The following CSMD1 variants were observed in gnomAD, a reference collection of about 807,000 sequenced individuals.
The protein encoded by CSMD1 is CUB and sushi domain-containing protein 1.
CSMD1 carries 213 observed loss-of-function variants against 417.5 expected under a neutral mutation model. The observed-to-expected ratio is 0.51, with a 90% CI of 0.46 to 0.57. The LOEUF is 0.57. Ranked by LOEUF, CSMD1 falls within the 20% of genes least tolerant of loss-of-function variation. CSMD1 has a pLI of 0.00. For synonymous variants in CSMD1, 2,862 were observed against 1,736.8 expected, an observed-to-expected ratio of 1.65 and a Z score of -16.11; for missense variants, 6,923 against 4,529.7, an observed-to-expected ratio of 1.53 and a Z score of -15.17.
At chr8:4,486,191 A>G (rs1477839469) in intron 2 of CSMD1, among the ~76,000 whole-genome samples, 1 of 11,430 alleles carries the variant, frequency 8.7e-5, no homozygotes, top group African/African-American at 4.0e-4. Context: ...ATATATATAT[A>G]TATATATACA....
intron 15 of CSMD1, among the ~76,000 whole-genome samples, chr8:3,405,370 T>G (rs557361203): frequency 6.6e-6 from 1 of 152,190 alleles, no homozygotes; most frequent in African/African-American, 2.4e-5. Flanking sequence ...AATATTTTCC[T>G]CTCTATATTT....
intron 10 of CSMD1, 68 bp from the exon 11 acceptor site, chr8:3,493,794 CA>C: frequency 3.9e-6 from 5 of 1,297,634 alleles, no homozygotes; most frequent in Non-Finnish European, 5.4e-6. Flanking sequence ...ATAGGTATTG[CA>C]AATATCTAGT....
At chr8:3,703,472 ATT>A (rs1800988626) in intron 7 of CSMD1, among the ~76,000 whole-genome samples, 4 of 150,592 alleles carry the variant, frequency 2.7e-5, no homozygotes, top group East Asian at 1.9e-4. Flanking sequence ...TCATTCATTC[ATT>A]CATTCATCAG....
At chr8:3,459,973 A>G (rs1816396155) in intron 12 of CSMD1, among the ~76,000 whole-genome samples, 1 of 152,168 alleles carries the variant, frequency 6.6e-6, no homozygotes, top group African/African-American at 2.4e-5. Context: ...TAAGACACTC[A>G]CTCACATTTT....
intron 5 of CSMD1, among the ~76,000 whole-genome samples, chr8:3,906,889 G>C (rs144885210): frequency 3.9e-5 from 6 of 152,248 alleles, no homozygotes; most frequent in Admixed American, 2.6e-4. Context: ...AGTCTTTCTA[G>C]GCAGCTCCAA....
chr8:3,717,239 T>A (rs74563889), intron 6 of CSMD1, among the ~76,000 whole-genome samples: 1 of 152,188 alleles, frequency 6.6e-6, no homozygotes, highest in Non-Finnish European at 1.5e-5. Context: ...CTTTCCATTA[T>A]GCTACATTTT....
At chr8:3,797,372 A>C (rs115878990) in intron 5 of CSMD1, among the ~76,000 whole-genome samples, 2,391 of 152,114 alleles carry the variant, frequency 0.016, 64 homozygotes, top group African/African-American at 0.054. Context: ...CACACCCCGG[A>C]TGCAGGCATA....
At chr8:3,855,217 C>T (rs145213543) in intron 5 of CSMD1, among the ~76,000 whole-genome samples, 159 of 152,148 alleles carry the variant, frequency 1.0e-3, no homozygotes, top group Non-Finnish European at 1.8e-3. Flanking sequence ...GACAAGGCTG[C>T]GACAGCTATT....
intron 1 of CSMD1, among the ~76,000 whole-genome samples, chr8:4,969,919 G>A (rs1263645885): frequency 1.3e-5 from 2 of 152,070 alleles, no homozygotes; most frequent in Admixed American, 6.6e-5. Context: ...TGAGTTTGAA[G>A]TATACTACGG....
chr8:4,609,012 G>GGA (rs1386487928), intron 2 of CSMD1, among the ~76,000 whole-genome samples: 1 of 138,292 alleles, frequency 7.2e-6, no homozygotes, highest in African/African-American at 2.7e-5. Flanking sequence ...CTTGAATGTA[G>GGA]AAAAAAAAAA....
intron 40 of CSMD1, among the ~76,000 whole-genome samples, chr8:3,148,957 G>A (rs1198104548): frequency 6.6e-6 from 1 of 152,140 alleles, no homozygotes; most frequent in East Asian, 1.9e-4. Flanking sequence ...TACTTTTCAT[G>A]CCTGTTTGAT....
At chr8:4,168,632 T>TCTAA (rs1377973407) in intron 3 of CSMD1, among the ~76,000 whole-genome samples, 2 of 152,216 alleles carry the variant, frequency 1.3e-5, no homozygotes, top group East Asian at 3.9e-4. Flanking sequence ...ACATCTTAGA[T>TCTAA]CATCATGTTT....
chr8:4,030,773 AC>A (rs1190412113), intron 4 of CSMD1, among the ~76,000 whole-genome samples: 2 of 152,124 alleles, frequency 1.3e-5, no homozygotes, highest in Non-Finnish European at 2.9e-5. Flanking sequence ...AAGTTCATGA[AC>A]TTTTATGCTT....
chr8:4,803,528 A>T (rs1390927170), intron 1 of CSMD1, among the ~76,000 whole-genome samples: 3 of 152,182 alleles, frequency 2.0e-5, no homozygotes, highest in Non-Finnish European at 4.4e-5. Context: ...GAACTACCAG[A>T]GACAAATTTG....
chr8:4,428,940 C>G (rs1395137273), intron 2 of CSMD1, among the ~76,000 whole-genome samples: 5 of 152,052 alleles, frequency 3.3e-5, no homozygotes, highest in Non-Finnish European at 7.4e-5. Context: ...TCTCAGATTC[C>G]TGACTTGAAG....
intron 10 of CSMD1, among the ~76,000 whole-genome samples, chr8:3,559,892 G>C (rs181267508): frequency 1.3e-5 from 2 of 152,244 alleles, no homozygotes; most frequent in Admixed American, 1.3e-4. Context: ...AAGAGGGGTT[G>C]AAGACAAAAG....
In CSMD1 at chr8:4,338,984, G is replaced by T. The variant is rs182928210; in HGVS notation, c.415+80969C>A. On this transcript the variant is annotated intron_variant, in intron 3 of 69. Transcript: ENST00000635120. ...GGCATACAGTCAATGATCAGAAAAT[G>T]CTTTGAGATTCTGTGAAAAGCAAGG... 2.6e-4 allele frequency among the ~76,000 whole-genome samples: 39 copies of T among 152,176 alleles called. No homozygotes were observed. In the East Asian group the frequency reaches 7.2e-3, roughly 28 times the overall value.
At chr8:4,816,639 C>T (rs372273475) in intron 1 of CSMD1, among the ~76,000 whole-genome samples, 5 of 152,088 alleles carry the variant, frequency 3.3e-5, no homozygotes, top group Admixed American at 1.3e-4. Flanking sequence ...TGTTCCCGAC[C>T]GTATGGCTCT....
intron 12 of CSMD1, among the ~76,000 whole-genome samples, chr8:3,422,558 C>A (rs1813561461): frequency 6.6e-6 from 1 of 152,000 alleles, no homozygotes; most frequent in Admixed American, 6.5e-5. Flanking sequence ...AGACAGAAGA[C>A]AAAACAGTAA....
Sources: allele counts gnomAD v4.1 joint callset (sites outside exome capture counted in the v4.1 genomes callset), GRCh38; gene constraint gnomAD v4.1.1; transcripts MANE v1.5; gene names NCBI Gene and HGNC (gene_info 2026-07-23, HGNC 2026-07-21).